Variants in GALNT13 observed in about 807,000 individuals in gnomAD.
GALNT13 encodes polypeptide N-acetylgalactosaminyltransferase 13, also known as UDP-GalNAc:polypeptide N-acetylgalactosaminyltransferase 13.
Under a neutral mutation model 64.2 loss-of-function variants are expected in GALNT13, and 28 were observed. That is an observed-to-expected ratio of 0.44 (90% CI 0.32 to 0.60). The LOEUF (loss-of-function observed/expected upper bound fraction) is 0.60. Ranked by LOEUF, GALNT13 falls within the 20% of genes least tolerant of loss-of-function variation. The probability of loss-of-function intolerance (pLI) is 0.05; values close to 1 mark genes in which losing one functional copy is unlikely to be tolerated. For missense variants in GALNT13, 577 were observed against 669.8 expected, an observed-to-expected ratio of 0.86 and a Z score of 1.53; for synonymous variants, 214 against 224.6, an observed-to-expected ratio of 0.95 and a Z score of 0.42.
rs1479510650 is a variant in GALNT13 at position 154,437,659 on chromosome 2, A to G, written c.1396-933A>G. On this transcript the variant is annotated intron_variant, in intron 11 of 12. Coordinates refer to ENST00000392825, the MANE Select transcript of GALNT13 (RefSeq NM_052917.4). ...ATCATGAGGTCGGGAGATTGAGACC[A>G]TCCTGGCCAACATAGTGAAACCCCG... 1.2e-5 allele frequency: 6 copies of G among 513,752 alleles called. No individual in the cohort carries two copies. In the Admixed American group the frequency reaches 1.5e-4, roughly 12 times the overall value. The allele number at this position is 513,752 out of a possible 1,614,324, so 31.8% of individuals were successfully genotyped here.
chr2:154,377,890 C>T (rs545368951), intron 9 of GALNT13, among the ~76,000 whole-genome samples: 1 of 152,164 alleles, frequency 6.6e-6, no homozygotes, highest in East Asian at 1.9e-4. Flanking sequence ...GAGAAGGCTT[C>T]ACAGAAAGAG....
chr2:154,341,564 A>G (rs1695774257), intron 9 of GALNT13, among the ~76,000 whole-genome samples: 1 of 152,114 alleles, frequency 6.6e-6, no homozygotes, highest in African/African-American at 2.4e-5. Context: ...AAGGAGACCC[A>G]TGTGACTGCA....
chr2:153,215,278 C>T, the GALNT13 span, among the ~76,000 whole-genome samples: 23 of 152,102 alleles, frequency 1.5e-4, no homozygotes, highest in South Asian at 4.1e-4. Context: ...TCCTGTCATC[C>T]GCCAGAGATT....
chr2:153,612,580 T>C, the GALNT13 span, among the ~76,000 whole-genome samples: 6 of 151,636 alleles, frequency 4.0e-5, no homozygotes, highest in African/African-American at 7.3e-5. Context: ...ATATATCATA[T>C]AAACACTGTT....
the GALNT13 span, among the ~76,000 whole-genome samples, chr2:153,823,799 A>T: frequency 1.3e-5 from 2 of 152,330 alleles, no homozygotes; most frequent in African/African-American, 4.8e-5. Context: ...GCTTCTGTAC[A>T]ACCAAATAAA....
At chr2:153,814,045 A>G in the GALNT13 span, among the ~76,000 whole-genome samples, 6 of 152,206 alleles carry the variant, frequency 3.9e-5, no homozygotes, top group Admixed American at 6.5e-5. Context: ...TCCTTGTAGC[A>G]TGGCAGCTGG....
the GALNT13 span, among the ~76,000 whole-genome samples, chr2:153,599,861 G>A: frequency 5.3e-5 from 8 of 151,876 alleles, no homozygotes; most frequent in Non-Finnish European, 1.2e-4. Flanking sequence ...TTCTTGAGTA[G>A]GATATTTTCC....
At chr2:154,440,432 C>T (rs1701228681) in intron 12 of GALNT13, among the ~76,000 whole-genome samples, 2 of 150,638 alleles carry the variant, frequency 1.3e-5, no homozygotes, top group South Asian at 2.1e-4. Context: ...CTATTGAATA[C>T]TAAGGAATTT....
chr2:154,154,275 A>G (rs1431276069), intron 4 of GALNT13, among the ~76,000 whole-genome samples: 1 of 152,226 alleles, frequency 6.6e-6, no homozygotes, highest in Non-Finnish European at 1.5e-5. Flanking sequence ...GAAGGTTTGG[A>G]TAACCAAGGA....
intron 9 of GALNT13, among the ~76,000 whole-genome samples, chr2:154,362,651 CCAGA>C (rs779494368): frequency 2.6e-5 from 4 of 152,102 alleles, no homozygotes; most frequent in East Asian, 1.9e-4. Flanking sequence ...CCAGCTAAGC[CCAGA>C]CAAATTGTTG....
At chr2:153,261,865 G>A in the GALNT13 span, among the ~76,000 whole-genome samples, 1 of 152,116 alleles carries the variant, frequency 6.6e-6, no homozygotes, top group Non-Finnish European at 1.5e-5. Flanking sequence ...AGCAACTATT[G>A]CCTGGCTACC....
chr2:153,523,088 C>T, the GALNT13 span, among the ~76,000 whole-genome samples: 1 of 96,546 alleles, frequency 1.0e-5, no homozygotes, highest in African/African-American at 4.4e-5. Flanking sequence ...TCCAGTTGTT[C>T]CAAACACCAT....
chr2:153,402,065 C>G, the GALNT13 span, among the ~76,000 whole-genome samples: 72 of 146,270 alleles, frequency 4.9e-4, no homozygotes, highest in African/African-American at 1.8e-3. Flanking sequence ...GCGGCTGGTA[C>G]CGGTTGTTCC....
the GALNT13 span, among the ~76,000 whole-genome samples, chr2:153,842,300 T>C: frequency 5.9e-5 from 9 of 152,016 alleles, no homozygotes; most frequent in Non-Finnish European, 1.0e-4. Context: ...GGCTAAAACA[T>C]TGAACAAAAA....
At chr2:153,900,410 C>T (rs1481179566) in intron 1 of GALNT13, among the ~76,000 whole-genome samples, 2 of 152,084 alleles carry the variant, frequency 1.3e-5, no homozygotes, top group African/African-American at 4.8e-5. Flanking sequence ...GGTCGTGTGC[C>T]TGCATTTTTC....
the GALNT13 span, among the ~76,000 whole-genome samples, chr2:153,825,412 T>G: frequency 6.6e-6 from 1 of 152,182 alleles, no homozygotes. Flanking sequence ...CAATGGCTCC[T>G]GTTGTATTTG....
chr2:153,410,494 T>C, the GALNT13 span, among the ~76,000 whole-genome samples: 1 of 152,150 alleles, frequency 6.6e-6, no homozygotes, highest in Non-Finnish European at 1.5e-5. Flanking sequence ...AAAATTTTGT[T>C]TTCCAAGCCC....
intron 12 of GALNT13, chr2:154,446,624 T>C: frequency 6.5e-7 from 1 of 1,548,556 alleles, no homozygotes; most frequent in Non-Finnish European, 8.7e-7. Flanking sequence ...ACAAAGTAGC[T>C]GATGGCTCCC....
the GALNT13 span, among the ~76,000 whole-genome samples, chr2:153,750,893 T>C: frequency 2.0e-5 from 3 of 151,636 alleles, no homozygotes; most frequent in Non-Finnish European, 4.4e-5. Flanking sequence ...TGTTTAAGGT[T>C]TAGAATTAGG....
Sources: allele counts gnomAD v4.1 joint callset (sites outside exome capture counted in the v4.1 genomes callset), GRCh38; gene constraint gnomAD v4.1.1; transcripts MANE v1.5; gene names NCBI Gene and HGNC (gene_info 2026-07-23, HGNC 2026-07-21).